IPCEF1: variants seen among roughly 807,000 people sequenced by gnomAD.
IPCEF1 encodes the protein interactor protein for cytohesin exchange factors 1.
IPCEF1 carries 31 observed loss-of-function variants against 50.9 expected under a neutral mutation model. The observed-to-expected ratio is 0.61, with a 90% CI of 0.46 to 0.82. The LOEUF (loss-of-function observed/expected upper bound fraction) is 0.82, where lower values mean the gene tolerates loss of function less well. Ranked by LOEUF, IPCEF1 falls within the 40% of genes least tolerant of loss-of-function variation. The pLI is 0.00. For synonymous variants in IPCEF1, 181 were observed against 192.0 expected, an observed-to-expected ratio of 0.94 and a Z score of 0.47; for missense variants, 458 against 514.0, an observed-to-expected ratio of 0.89 and a Z score of 1.05.
intron 1 of IPCEF1, among the ~76,000 whole-genome samples, chr6:154,320,568 T>G (rs1783347666): frequency 1.3e-5 from 2 of 152,248 alleles, no homozygotes; most frequent in South Asian, 4.1e-4. Flanking sequence ...AGTCAATTTT[T>G]AGACATTTTG....
intron 5 of IPCEF1, among the ~76,000 whole-genome samples, chr6:154,224,103 C>T (rs1459212774): frequency 1.3e-5 from 2 of 152,218 alleles, no homozygotes; most frequent in African/African-American, 4.8e-5. Context: ...ACACTGGTGT[C>T]TCTGAGTAGA....
chr6:154,301,267 T>C (rs1782788483), intron 1 of IPCEF1, among the ~76,000 whole-genome samples: 1 of 152,108 alleles, frequency 6.6e-6, no homozygotes, highest in Non-Finnish European at 1.5e-5. Context: ...GAAGGAATGA[T>C]GAGGGAAGGG....
At chr6:154,232,209 T>C (rs1168440312) in intron 5 of IPCEF1, among the ~76,000 whole-genome samples, 4 of 152,160 alleles carry the variant, frequency 2.6e-5, no homozygotes, top group Non-Finnish European at 5.9e-5. Context: ...CCTGCAACTA[T>C]CACAGAGAGC....
chr6:154,316,654 T>A (rs1335031890), intron 1 of IPCEF1, among the ~76,000 whole-genome samples: 2 of 152,130 alleles, frequency 1.3e-5, no homozygotes, highest in Admixed American at 1.3e-4. Flanking sequence ...TATATAAAAG[T>A]TCAATGAAAC....
At chr6:154,161,335 C>T in intron 11 of IPCEF1, among the ~76,000 whole-genome samples, 1 of 151,918 alleles carries the variant, frequency 6.6e-6, no homozygotes, top group Non-Finnish European at 1.5e-5. Context: ...ATCAACCTCC[C>T]AAGTAGCTGG....
At chr6:154,224,508 G>A (rs1305278850) in intron 5 of IPCEF1, among the ~76,000 whole-genome samples, 4 of 150,724 alleles carry the variant, frequency 2.7e-5, no homozygotes, top group Non-Finnish European at 5.9e-5. Context: ...AGGTGTTCAC[G>A]TTCAGCCCAG....
chr6:154,226,840 A>G (rs377562084), intron 5 of IPCEF1, among the ~76,000 whole-genome samples: 3 of 152,038 alleles, frequency 2.0e-5, no homozygotes, highest in East Asian at 1.9e-4. Context: ...TAGTTCCACA[A>G]TTTCATCTCT....
At chr6:154,180,414 A>ATATATATATTTTT (rs1241250621) in intron 10 of IPCEF1, among the ~76,000 whole-genome samples, 27 of 65,254 alleles carry the variant, frequency 4.1e-4, no homozygotes, top group African/African-American at 1.2e-3. Flanking sequence ...ATATATATAT[A>ATATATATATTTTT]TTTTTTTTTT....
At chr6:154,343,739 G>T (rs926459419) in intron 1 of IPCEF1, among the ~76,000 whole-genome samples, 5 of 152,208 alleles carry the variant, frequency 3.3e-5, no homozygotes, top group Non-Finnish European at 4.4e-5. Flanking sequence ...GAGGTCCTTG[G>T]AAAGTTTTCG....
intron 9 of IPCEF1, among the ~76,000 whole-genome samples, chr6:154,207,890 T>C (rs1037819147): frequency 6.6e-6 from 1 of 152,256 alleles, no homozygotes; most frequent in Admixed American, 6.5e-5. Flanking sequence ...GTTTGTCTCA[T>C]ATTTGATCTG....
Position 154,206,305 on chromosome 6 carries a change from T to C in IPCEF1, c.538-6265A>G, listed in dbSNP as rs550944255. Among the ~76,000 whole-genome samples, 25 of 152,350 alleles carry C rather than the reference T, an allele frequency of 1.6e-4. No individual in the cohort carries two copies. In the South Asian group the frequency reaches 5.0e-3, roughly 30 times the overall value. ...TGTGAGAGTCAAATGAAATCATTCT[T>C]CTCAAAGCCATGCAAAAGCACTAGA... On this transcript the variant is annotated intron_variant, in intron 9 of 11. Transcript: ENST00000367220.
At chr6:154,321,516 A>G (rs373682679) in intron 1 of IPCEF1, among the ~76,000 whole-genome samples, 2 of 152,010 alleles carry the variant, frequency 1.3e-5, no homozygotes, top group African/African-American at 4.8e-5. Context: ...TGTGGCTCAC[A>G]TCTGTAATCC....
intron 3 of IPCEF1, among the ~76,000 whole-genome samples, chr6:154,259,358 A>T (rs1315069796): frequency 6.6e-6 from 1 of 152,234 alleles, no homozygotes; most frequent in Non-Finnish European, 1.5e-5. Context: ...GAATCAAAGA[A>T]ATATGAAATG....
chr6:154,263,452 G>C lies in IPCEF1; in HGVS notation c.36+2460C>G, dbSNP rs1249173939. The stretch of plus-strand genomic sequence containing the variant: ...ATTAGGGAGTGGTGATGACTCTTAA[G>C]GAGCATGCTGCCTTCAAGCATCTGT... On this transcript the variant is annotated intron_variant, in intron 3 of 11. Transcript: ENST00000367220. Among the ~76,000 whole-genome samples the C allele has an allele frequency of 7.0e-4, 87 of 125,118 alleles. 1 individual carries two copies. The highest frequency in any genetic ancestry group is 3.3e-3 in the South Asian group (12 of 3,648). 82.1% of individuals were successfully genotyped at this position (125,118 alleles called of 152,430 possible). A position where few individuals can be genotyped will look rare whatever the true frequency, so the allele number is the denominator to read the frequency against.
intron 2 of IPCEF1, among the ~76,000 whole-genome samples, chr6:154,279,189 A>G (rs1190921408): frequency 6.6e-6 from 1 of 152,168 alleles, no homozygotes; most frequent in African/African-American, 2.4e-5. Context: ...ATTAAAATCA[A>G]CAACATTTCT....
intron 11 of IPCEF1, among the ~76,000 whole-genome samples, chr6:154,163,972 G>C (rs913220952): frequency 1.3e-5 from 2 of 152,148 alleles, no homozygotes; most frequent in Non-Finnish European, 2.9e-5. Context: ...AGGGCCAAAA[G>C]AGCATATTTC....
chr6:154,339,954 G>T (rs1446764474), intron 1 of IPCEF1, among the ~76,000 whole-genome samples: 3 of 152,036 alleles, frequency 2.0e-5, no homozygotes, highest in African/African-American at 7.2e-5. Context: ...TAATGGGAGT[G>T]GGGGAAACCT....
intron 5 of IPCEF1, among the ~76,000 whole-genome samples, chr6:154,240,130 G>A (rs1051223501): frequency 6.6e-6 from 1 of 152,062 alleles, no homozygotes. Context: ...TAGAAGTCTG[G>A]GAACACATCA....
At chr6:154,243,236 CT>C (rs1298442041) in intron 5 of IPCEF1, among the ~76,000 whole-genome samples, 1 of 152,146 alleles carries the variant, frequency 6.6e-6, no homozygotes, top group Non-Finnish European at 1.5e-5. Context: ...GAACGTGTAC[CT>C]TCTTGTAAGG....
Sources: allele counts gnomAD v4.1 joint callset (sites outside exome capture counted in the v4.1 genomes callset), GRCh38; gene constraint gnomAD v4.1.1; transcripts MANE v1.5; gene names NCBI Gene and HGNC (gene_info 2026-07-23, HGNC 2026-07-21).